The following SLC35F5 variants were observed in gnomAD, a reference collection of about 807,000 sequenced individuals.
The protein encoded by SLC35F5 is HCV NS5A-transactivated protein 3.
SLC35F5 carries 54 observed loss-of-function variants against 68.6 expected under a neutral mutation model. That is an observed-to-expected ratio of 0.79 (90% CI 0.63 to 0.99). SLC35F5 has a LOEUF of 0.99. Among genes scored for constraint, SLC35F5 ranks in the 50% least tolerant of loss-of-function variants. The probability of loss-of-function intolerance (pLI) is 0.00; values close to 1 mark genes in which losing one functional copy is unlikely to be tolerated. For synonymous variants in SLC35F5, 211 were observed against 205.2 expected (o/e 1.03, Z -0.24); for missense variants, 567 against 626.9 (o/e 0.90, Z 1.02).
rs1294975914 is a variant in SLC35F5, at chr2:113,714,528, TATA to T, written c.*687_*689del. ...TTTAGAAATACATATTTCTTCATTT[TATA>T]ATAATACTTCCCCTTTAAAAATTTG... On this transcript the variant is annotated 3_prime_UTR_variant, in exon 16 of 16. Transcript: ENST00000245680. 2 of 152,160 alleles carry T rather than the reference TATA, an allele frequency of 1.3e-5. No individual in the cohort carries two copies. Among genetic ancestry groups the T allele is most frequent in the Non-Finnish European group, 2.9e-5 (2 of 67,970 alleles). 9.4% of individuals were successfully genotyped at this position (152,160 alleles called of 1,614,324 possible).
intron 3 of SLC35F5, among the ~76,000 whole-genome samples, chr2:113,752,882 T>C (rs1676801661): frequency 6.6e-6 from 1 of 152,162 alleles, no homozygotes; most frequent in African/African-American, 2.4e-5. Context: ...ATAGTGATTA[T>C]GTTTAAGAAA....
chr2:113,756,607 G>A lies in SLC35F5; in HGVS notation c.-198C>T, dbSNP rs1462631584. 2.9e-6 allele frequency: 4 copies of A among 1,375,002 alleles called. No individual in the cohort carries two copies. The East Asian group carries it at 8.2e-5, about 28-fold the overall frequency. The allele number at this position is 1,375,002 out of a possible 1,614,324, so 85.2% of individuals were successfully genotyped here. A position where few individuals can be genotyped will look rare whatever the true frequency, so the allele number is the denominator to read the frequency against. On this transcript the variant is annotated 5_prime_UTR_variant, in exon 1 of 16. Coordinates refer to ENST00000245680, the MANE Select transcript of SLC35F5 (RefSeq NM_025181.5). ...GTGGAGCGGGTGAGGGGAAGGGACG[G>A]CACAGTCAGCTATGGCCGCGGAGGC...
chr2:113,734,207 G>C (rs1390660482), intron 9 of SLC35F5, among the ~76,000 whole-genome samples: 1 of 152,198 alleles, frequency 6.6e-6, no homozygotes, highest in Admixed American at 6.5e-5. Context: ...AGCTTTCTAA[G>C]AGAAGTAGAA....
At chr2:113,717,082 T>C (rs1384699573) in intron 15 of SLC35F5, among the ~76,000 whole-genome samples, 3 of 152,228 alleles carry the variant, frequency 2.0e-5, no homozygotes, top group Non-Finnish European at 4.4e-5. Flanking sequence ...TCATTCTAAA[T>C]AATCACTTTT....
chr2:113,722,289 A>G (rs1361829692), intron 13 of SLC35F5, among the ~76,000 whole-genome samples: 1 of 152,148 alleles, frequency 6.6e-6, no homozygotes, highest in Non-Finnish European at 1.5e-5. Flanking sequence ...CTAGAGAAAA[A>G]TAGGTTTAAA....
rs1237673924 is a variant in SLC35F5 at position 113,723,186 on chromosome 2, AAGC to A, written c.1256_1258del (p.Cys419del). ...TGTGCCTATCAATGATGAGGTAAGAAAGCAGCCCCTAAAAAAAAGAAAATATAC... is the reference window on the plus strand; with the variant it reads ...TGTGCCTATCAATGATGAGGTAAGAAAGCCCCTAAAAAAAAGAAAATATAC... On this transcript the variant is annotated inframe_deletion, in exon 13 of 16. Transcript: ENST00000245680. 6.3e-7 allele frequency: 1 copy of A among 1,580,200 alleles called. No individual in the cohort carries two copies. Among genetic ancestry groups the A allele is most frequent in the Non-Finnish European group, 8.6e-7 (1 of 1,165,814 alleles).
chr2:113,756,636 G>A lies in SLC35F5; in HGVS notation c.-227C>T, dbSNP rs1408171419. 6 of 1,233,872 alleles carry A rather than the reference G, an allele frequency of 4.9e-6. No homozygotes were observed. The highest frequency in any genetic ancestry group is 6.4e-6 in the Non-Finnish European group (6 of 932,518). The allele number at this position is 1,233,872 out of a possible 1,614,324, so 76.4% of individuals were successfully genotyped here. On this transcript the variant is annotated 5_prime_UTR_variant, in exon 1 of 16. Coordinates refer to ENST00000245680, the MANE Select transcript of SLC35F5 (RefSeq NM_025181.5). ...AGTCAGCTATGGCCGCGGAGGCCCG[G>A]AGATCTGCTCTGGCCCCGGCCCCGC...
chr2:113,740,260 A>G (rs115801645), intron 7 of SLC35F5, among the ~76,000 whole-genome samples: 1,788 of 152,332 alleles, frequency 0.012, 43 homozygotes, highest in African/African-American at 0.04. Context: ...GTTTAAAGGA[A>G]GAAAGCTACT....
At chr2:113,752,604 T>C (rs1676788090) in intron 3 of SLC35F5, among the ~76,000 whole-genome samples, 1 of 151,848 alleles carries the variant, frequency 6.6e-6, no homozygotes, top group African/African-American at 2.4e-5. Flanking sequence ...ATCAGCCAAA[T>C]CCAGAATGTG....
At chr2:113,750,170 T>G (rs1462707643) in intron 4 of SLC35F5, among the ~76,000 whole-genome samples, 1 of 152,190 alleles carries the variant, frequency 6.6e-6, no homozygotes, top group African/African-American at 2.4e-5. Flanking sequence ...ATTAATTGAT[T>G]TGGGCTAATT....
intron 1 of SLC35F5, 84 bp downstream of exon 1, chr2:113,756,286 C>T: frequency 1.9e-6 from 3 of 1,545,810 alleles, no homozygotes; most frequent in Non-Finnish European, 2.6e-6. Flanking sequence ...CTGCTGCCAC[C>T]GAGGGCAGGA....
chr2:113,746,360 A>G (rs1378983383), intron 4 of SLC35F5, 21 bp from the exon 5 acceptor site: 1 of 1,599,294 alleles, frequency 6.3e-7, no homozygotes, highest in East Asian at 2.2e-5. Flanking sequence ...ATAACAAGAT[A>G]CAAAATTCAA....
rs1686920968 is a variant in SLC35F5 at position 113,709,808 on chromosome 2, G to C, written c.*5410C>G. Reference sequence around the variant, plus strand: ...CTCTAGGGTGGCCCCCAGCAATCAAGTTTTTGGTTTTGTTTTTTTAACAGA... The same window carrying C: ...CTCTAGGGTGGCCCCCAGCAATCAACTTTTTGGTTTTGTTTTTTTAACAGA... On this transcript the variant is annotated 3_prime_UTR_variant, in exon 16 of 16. Coordinates refer to ENST00000245680, the MANE Select transcript of SLC35F5 (RefSeq NM_025181.5). Among the ~76,000 whole-genome samples the C allele has an allele frequency of 6.6e-6, 1 of 152,060 alleles. No homozygotes were observed. Among genetic ancestry groups the C allele is most frequent in the African/African-American group, 2.4e-5 (1 of 41,414 alleles).
In SLC35F5 at chr2:113,755,199, T is replaced by A. The variant is rs1159780832; in HGVS notation, c.239A>T (p.Asp80Val). ...ALGIVILLLV[D>V]VIWVASSELT... ...TTCAGAGGAAGCAACCCATATCACATCAACAAGCAGAAGAATAACAATCCC... is the reference window on the plus strand; with the variant it reads ...TTCAGAGGAAGCAACCCATATCACAACAACAAGCAGAAGAATAACAATCCC... Residue 80 changes from aspartate to valine, a missense_variant, in exon 3 of 16, where the codon GAT becomes GTT. Physicochemically the swap from Asp to Val is radical, Grantham distance 152 (BLOSUM62 -3). Coordinates refer to ENST00000245680, the MANE Select transcript of SLC35F5 (RefSeq NM_025181.5). 2 of 1,613,936 alleles carry A rather than the reference T, an allele frequency of 1.2e-6. No individual in the cohort carries two copies. Among genetic ancestry groups the A allele is most frequent in the Admixed American group, 3.3e-5 (2 of 59,988 alleles).
rs11903836 is a variant in SLC35F5 at position 113,753,961 on chromosome 2, T to C, written c.273+1204A>G. ...GTTTTAAAGCAAAAAATATATGGTC[T>C]ATTAGATTCCAGAGATTAATTCTGA... On this transcript the variant is annotated intron_variant, in intron 3 of 15. Transcript: ENST00000245680. Among the ~76,000 whole-genome samples, 940 of 152,270 alleles carry C rather than the reference T, an allele frequency of 6.2e-3. 16 individuals are homozygous for C. The highest frequency in any genetic ancestry group is 0.021 in the African/African-American group (893 of 41,546).
chr2:113,732,824 T>C (rs1010603337), intron 9 of SLC35F5, among the ~76,000 whole-genome samples: 4 of 152,144 alleles, frequency 2.6e-5, no homozygotes, highest in African/African-American at 7.2e-5. Flanking sequence ...TTATCCCCAA[T>C]ATACAGACGA....
In SLC35F5 at chr2:113,756,511, G is replaced by C; in HGVS notation, c.-102C>G. On this transcript the variant is annotated 5_prime_UTR_variant, in exon 1 of 16. Transcript: ENST00000245680. ...GACATCGCGCCGCACTGGAGGCCCA[G>C]CTCCTGAAGACGCGGTGCCCCTCAG... 1 of 1,510,104 alleles carries C rather than the reference G, an allele frequency of 6.6e-7. No homozygotes were observed. The highest frequency in any genetic ancestry group is 1.3e-5 in the South Asian group (1 of 79,760). 93.5% of individuals were successfully genotyped at this position (1,510,104 alleles called of 1,614,324 possible). A position where few individuals can be genotyped will look rare whatever the true frequency, so the allele number is the denominator to read the frequency against.
chr2:113,718,235 C>T (rs1294570453), intron 14 of SLC35F5, among the ~76,000 whole-genome samples: 2 of 151,944 alleles, frequency 1.3e-5, no homozygotes, highest in African/African-American at 4.8e-5. Context: ...CAGGTATATG[C>T]CATCATGTCT....
At chr2:113,704,833 C>T (rs1298925910), downstream of SLC35F5, among the ~76,000 whole-genome samples, 1 of 152,118 alleles carries the variant, frequency 6.6e-6, no homozygotes, top group Non-Finnish European at 1.5e-5. Context: ...CGGCCTCGGC[C>T]AGCCCAGGAA....
Sources: allele counts gnomAD v4.1 joint callset (sites outside exome capture counted in the v4.1 genomes callset), GRCh38; gene constraint gnomAD v4.1.1; transcripts MANE v1.5; gene names NCBI Gene and HGNC (gene_info 2026-07-23, HGNC 2026-07-21).